The following PROKR1 variants were observed in gnomAD, a reference collection of about 807,000 sequenced individuals.
The protein encoded by PROKR1 is prokineticin receptor 1.
PROKR1 carries 21 observed loss-of-function variants against 22.8 expected under a neutral mutation model. That is an observed-to-expected ratio of 0.92 (90% CI 0.65 to 1.32). The LOEUF is 1.32. Ranked by LOEUF, PROKR1 falls within the 40% of genes most tolerant of loss-of-function variation. PROKR1 has a pLI of 0.00. For synonymous variants in PROKR1, 193 were observed against 207.5 expected (o/e 0.93, Z 0.60); for missense variants, 548 against 514.2 (o/e 1.07, Z -0.64).
intron 2 of PROKR1, among the ~76,000 whole-genome samples, chr2:68,648,194 TAACAA>T (rs1282566899): frequency 3.3e-5 from 5 of 151,876 alleles, no homozygotes; most frequent in African/African-American, 1.2e-4. Flanking sequence ...TTGAACGGAG[TAACAA>T]TGGTAGGAGG....
At chr2:68,654,756 C>G in intron 2 of PROKR1, 124 bp from the exon 3 acceptor site, 1 of 888,778 alleles carries the variant, frequency 1.1e-6, no homozygotes, top group African/African-American at 1.7e-5. Context: ...TATGATCATG[C>G]CACTGCACTC....
At chr2:68,653,749 G>A (rs1024777559) in intron 2 of PROKR1, among the ~76,000 whole-genome samples, 1 of 152,132 alleles carries the variant, frequency 6.6e-6, no homozygotes, top group African/African-American at 2.4e-5. Flanking sequence ...GAGGCTATCA[G>A]CTCTCATGCC....
intron 1 of PROKR1, among the ~76,000 whole-genome samples, chr2:68,644,533 C>G (rs1673132491): frequency 6.6e-6 from 1 of 152,126 alleles, no homozygotes; most frequent in African/African-American, 2.4e-5. Context: ...TAAACTTGGC[C>G]CCAAGAAGAC....
intron 2 of PROKR1, among the ~76,000 whole-genome samples, chr2:68,650,573 A>G (rs934341139): frequency 6.6e-6 from 1 of 152,070 alleles, no homozygotes; most frequent in African/African-American, 2.4e-5. Context: ...TAGGCACTCA[A>G]TGAGGGTGAA....
intron 2 of PROKR1, among the ~76,000 whole-genome samples, chr2:68,650,702 A>G (rs1673297756): frequency 6.6e-6 from 1 of 152,174 alleles, no homozygotes; most frequent in Non-Finnish European, 1.5e-5. Context: ...GTAGGGTGGG[A>G]CCAGGGAGAA....
intron 2 of PROKR1, among the ~76,000 whole-genome samples, chr2:68,652,068 G>C (rs1428291773): frequency 6.6e-6 from 1 of 152,190 alleles, no homozygotes; most frequent in East Asian, 1.9e-4. Context: ...TTGGATGAAA[G>C]AAGAGGGGGT....
chr2:68,654,673 C>T (rs1170995559), intron 2 of PROKR1, among the ~76,000 whole-genome samples: 1 of 151,980 alleles, frequency 6.6e-6, no homozygotes, highest in Admixed American at 6.6e-5. Flanking sequence ...TGCATTGCAC[C>T]TCTAGTCCCA....
intron 1 of PROKR1, 55 bp from the exon 2 acceptor site, chr2:68,645,607 G>C: frequency 1.5e-6 from 1 of 661,490 alleles, no homozygotes. Flanking sequence ...GGGTGGTTTT[G>C]AATTTGGCCA....
chr2:68,653,583 G>A (rs1240107731), intron 2 of PROKR1, among the ~76,000 whole-genome samples: 1 of 152,140 alleles, frequency 6.6e-6, no homozygotes, highest in Non-Finnish European at 1.5e-5. Context: ...TTCTGGACAC[G>A]TGAGACTGTG....
At position 68,655,884 on chromosome 2, in the gene PROKR1, A is replaced by G; in HGVS notation, c.*308A>G. 4.7e-6 allele frequency: 2 copies of G among 421,094 alleles called. No homozygotes were observed. Among genetic ancestry groups the G allele is most frequent in the South Asian group, 4.3e-5 (2 of 46,084 alleles). 26.1% of individuals were successfully genotyped at this position (421,094 alleles called of 1,614,324 possible). A position where few individuals can be genotyped will look rare whatever the true frequency, so the allele number is the denominator to read the frequency against. ...AACCAAGGAAAATGTGGTGGTGTAGATAGAAATAAGGGAGTTTCCACAAAA... is the reference window on the plus strand; with the variant it reads ...AACCAAGGAAAATGTGGTGGTGTAGGTAGAAATAAGGGAGTTTCCACAAAA... On this transcript the variant is annotated 3_prime_UTR_variant, in exon 3 of 3. Coordinates refer to ENST00000303786, the MANE Select transcript of PROKR1 (RefSeq NM_138964.4).
intron 2 of PROKR1, 56 bp from the exon 3 acceptor site, chr2:68,654,823 AG>A (rs368593638): frequency 1.6e-5 from 23 of 1,425,004 alleles, no homozygotes; most frequent in Admixed American, 3.5e-5. Flanking sequence ...AAAAAAAAAA[AG>A]ATTATCCAGC....
At chr2:68,647,944 C>T (rs763647936) in intron 2 of PROKR1, among the ~76,000 whole-genome samples, 1 of 152,218 alleles carries the variant, frequency 6.6e-6, no homozygotes. Flanking sequence ...AGTAGAGTAT[C>T]TACTTCGTAG....
intron 1 of PROKR1, among the ~76,000 whole-genome samples, chr2:68,644,413 G>A (rs1394367056): frequency 6.6e-6 from 1 of 152,154 alleles, no homozygotes; most frequent in African/African-American, 2.4e-5. Flanking sequence ...CAGAGGGCAA[G>A]GGCTGAGCCA....
At chr2:68,648,231 A>G (rs1393762129) in intron 2 of PROKR1, among the ~76,000 whole-genome samples, 1 of 152,184 alleles carries the variant, frequency 6.6e-6, no homozygotes, top group Non-Finnish European at 1.5e-5. Context: ...AGGGGAAAGG[A>G]AGCCAGGATA....
chr2:68,649,666 G>C (rs991877576), intron 2 of PROKR1: 1 of 152,172 alleles, frequency 6.6e-6, no homozygotes, highest in African/African-American at 2.4e-5. Flanking sequence ...GTAAAATGTC[G>C]AGGGTGGCTG....
intron 2 of PROKR1, among the ~76,000 whole-genome samples, chr2:68,654,265 G>A (rs72907857): frequency 0.048 from 7,364 of 152,200 alleles, 601 homozygotes; most frequent in African/African-American, 0.17. Context: ...GCTAGAAACC[G>A]ATGGGAGGAA....
At chr2:68,646,498 G>A (rs77682712) in intron 2 of PROKR1, among the ~76,000 whole-genome samples, 192 bp downstream of exon 2, 1 of 152,340 alleles carries the variant, frequency 6.6e-6, no homozygotes, top group African/African-American at 2.4e-5. Flanking sequence ...GCTTTGTTCA[G>A]ACAGAAGACA....
Position 68,646,221 on chromosome 2 carries a change from C to G in PROKR1, c.400C>G (p.His134Asp). ...VVRQLSWEHGHVLCTSVNYLR... is the reference protein window; with the variant it reads ...VVRQLSWEHGDVLCTSVNYLR... ...GCGCCAGCTCTCCTGGGAGCACGGC[C>G]ACGTCCTGTGCACCTCTGTCAACTA... Residue 134 changes from histidine to aspartate, a missense_variant, in exon 2 of 3, where the codon CAC becomes GAC. By Grantham distance (81) the His-to-Asp change is moderately conservative (BLOSUM62 -1). Transcript: ENST00000303786. 1.2e-6 allele frequency: 2 copies of G among 1,613,412 alleles called. No homozygotes were observed. Among genetic ancestry groups the G allele is most frequent in the Non-Finnish European group, 8.5e-7 (1 of 1,179,514 alleles).
At position 68,655,465 on chromosome 2, in the gene PROKR1, G is replaced by T. The variant is rs1337006675; in HGVS notation, c.1071G>T (p.Met357Ile). The change falls in exon 3 of 3, where the codon ATG becomes ATT. Residue 357 changes from methionine (M) to isoleucine (I), a missense_variant. Physicochemically the swap from Met to Ile is conservative, Grantham distance 10. Coordinates refer to ENST00000303786, the MANE Select transcript of PROKR1 (RefSeq NM_138964.4). Reference protein sequence around the residue: ...NDTVKYFKKIMLLHWKASYNG... With the variant: ...NDTVKYFKKIILLHWKASYNG... ...CCGTCAAGTACTTCAAAAAGATCAT[G>T]TTGCTCCACTGGAAGGCTTCTTACA... 6.2e-7 allele frequency: 1 copy of T among 1,614,044 alleles called. No individual in the cohort carries two copies. The highest frequency in any genetic ancestry group is 2.2e-5 in the East Asian group (1 of 44,902).
Sources: allele counts gnomAD v4.1 joint callset (sites outside exome capture counted in the v4.1 genomes callset), GRCh38; gene constraint gnomAD v4.1.1; transcripts MANE v1.5; gene names NCBI Gene and HGNC (gene_info 2026-07-23, HGNC 2026-07-21).